Variants in EDAR observed in about 807,000 individuals in gnomAD.
EDAR encodes the protein ectodysplasin A receptor, also known as tumor necrosis factor receptor superfamily member EDAR.
In EDAR, 38 loss-of-function variants were observed where a neutral mutation model predicts 51.3. The observed-to-expected ratio is 0.74, with a 90% CI of 0.57 to 0.97. The LOEUF is 0.97. EDAR is among the 50% of genes least tolerant of loss of function. The probability of loss-of-function intolerance (pLI) is 0.00; values close to 1 mark genes in which losing one functional copy is unlikely to be tolerated. For synonymous variants in EDAR, 227 were observed against 242.1 expected, an observed-to-expected ratio of 0.94 and a Z score of 0.58; for missense variants, 528 against 595.0, an observed-to-expected ratio of 0.89 and a Z score of 1.17.
At chr2:108,948,573 G>A (rs113334689) in intron 1 of EDAR, among the ~76,000 whole-genome samples, 1,536 of 152,290 alleles carry the variant, frequency 0.01, 23 homozygotes, top group African/African-American at 0.035. Context: ...CACAGTCATC[G>A]CAGAAGGCAA....
chr2:108,988,692 T>A (rs768194453), intron 1 of EDAR, among the ~76,000 whole-genome samples: 3 of 152,204 alleles, frequency 2.0e-5, no homozygotes, highest in Admixed American at 6.5e-5. Context: ...TCTTAAAGCC[T>A]GTGAAGCACA....
intron 1 of EDAR, among the ~76,000 whole-genome samples, chr2:108,983,196 A>T (rs1698445043): frequency 6.6e-6 from 1 of 152,154 alleles, no homozygotes; most frequent in South Asian, 2.1e-4. Flanking sequence ...CACATCCCCA[A>T]AGTGTACACT....
chr2:108,930,134 C>T lies in EDAR; in HGVS notation c.160G>A (p.Glu54Lys). Residue 54 changes from glutamate to lysine, a missense_variant, in exon 3 of 12, where the codon GAG becomes AAG. Transcript: ENST00000258443. ...CQECPPCGPG[E>K]EPYLSCGYGT... ...TGGGTCCTTACCAGGTAGGGCTCCT[C>T]TCCCGGCCCACACGGGGGGCACTCC... 6.2e-7 allele frequency: 1 copy of T among 1,613,886 alleles called. No homozygotes were observed. The highest frequency in any genetic ancestry group is 8.5e-7 in the Non-Finnish European group (1 of 1,179,974).
intron 1 of EDAR, among the ~76,000 whole-genome samples, chr2:108,932,000 A>G (rs1314999810): frequency 6.6e-6 from 1 of 152,116 alleles, no homozygotes; most frequent in Non-Finnish European, 1.5e-5. Context: ...TGGGCCATGG[A>G]ACCCAAACTC....
intron 5 of EDAR, among the ~76,000 whole-genome samples, chr2:108,916,552 T>C (rs1235095980): frequency 6.6e-6 from 1 of 152,106 alleles, no homozygotes; most frequent in Non-Finnish European, 1.5e-5. Flanking sequence ...TCTATCCTGA[T>C]CACCGGATGG....
At position 108,895,699 on chromosome 2, in the gene EDAR, T is replaced by C. The variant is rs1696571190; in HGVS notation, c.*1208A>G. 6.6e-6 allele frequency: 1 copy of C among 152,156 alleles called. No homozygotes were observed. The highest frequency in any genetic ancestry group is 1.5e-5 in the Non-Finnish European group (1 of 68,050). The allele number at this position is 152,156 out of a possible 1,614,324, so 9.4% of individuals were successfully genotyped here. A position where few individuals can be genotyped will look rare whatever the true frequency, so the allele number is the denominator to read the frequency against. On this transcript the variant is annotated 3_prime_UTR_variant, in exon 12 of 12. Coordinates refer to ENST00000258443, the MANE Select transcript of EDAR (RefSeq NM_022336.4). ...TATAGAATCACTAACTAACATCTCA[T>C]TGGCAGACGAGAAACTGAGGCAGAG... is the stretch of plus-strand genomic sequence containing the variant.
At chr2:108,973,715 G>A (rs779214141) in intron 1 of EDAR, among the ~76,000 whole-genome samples, 7 of 152,152 alleles carry the variant, frequency 4.6e-5, no homozygotes, top group East Asian at 1.9e-4. Flanking sequence ...CCTCCACACC[G>A]ACTACAAAAC....
chr2:108,932,040 C>A (rs1017838343), intron 1 of EDAR, among the ~76,000 whole-genome samples: 2 of 152,146 alleles, frequency 1.3e-5, no homozygotes, highest in Admixed American at 6.5e-5. Flanking sequence ...AGAATTCTCT[C>A]GTCCTTAGCA....
In EDAR at chr2:108,912,746, C is replaced by T. The variant is rs771056913; in HGVS notation, c.461G>A (p.Gly154Glu). The T allele has an allele frequency of 1.6e-5, 26 of 1,598,806 alleles. No individual in the cohort carries two copies. The highest frequency in any genetic ancestry group is 2.0e-5 in the Non-Finnish European group (24 of 1,173,024). ...GGTGCCAGGGAAGTTGGCAGAAGCT[C>T]CTGAAGTGGCTCCCACACCTGCAAG... is the stretch of plus-strand genomic sequence containing the variant. ...NTKECVGATS[G>E]ASANFPGTSG... Residue 154 changes from glycine (G) to glutamate (E), a missense_variant, in exon 6 of 12, where the codon GGA (glycine) becomes GAA (glutamate). By Grantham distance (98) the Gly-to-Glu change is moderately conservative (BLOSUM62 -2). Coordinates refer to ENST00000258443, the MANE Select transcript of EDAR (RefSeq NM_022336.4).
chr2:108,938,442 C>T (rs1383485574), intron 1 of EDAR, among the ~76,000 whole-genome samples: 3 of 152,170 alleles, frequency 2.0e-5, no homozygotes, highest in East Asian at 1.9e-4. Context: ...CTGCATTTCC[C>T]GCAGTTTGTG....
At chr2:108,965,381 T>C (rs965020544) in intron 1 of EDAR, among the ~76,000 whole-genome samples, 3 of 148,954 alleles carry the variant, frequency 2.0e-5, no homozygotes, top group African/African-American at 5.0e-5. Flanking sequence ...CTCGGGAGGC[T>C]GAGGCAGGAG....
At chr2:108,906,121 G>A (rs909376206) in intron 11 of EDAR, among the ~76,000 whole-genome samples, 187 bp downstream of exon 11, 1 of 152,220 alleles carries the variant, frequency 6.6e-6, no homozygotes, top group African/African-American at 2.4e-5. Flanking sequence ...GATGCCTTCC[G>A]ATATCTGGGA....
chr2:108,959,468 A>C (rs1317773185), intron 1 of EDAR, among the ~76,000 whole-genome samples: 1 of 152,170 alleles, frequency 6.6e-6, no homozygotes, highest in Non-Finnish European at 1.5e-5. Context: ...GTCTTTCATG[A>C]GCAGAATATT....
chr2:108,930,871 A>C, intron 2 of EDAR, 93 bp downstream of exon 2: 1 of 1,379,052 alleles, frequency 7.3e-7, no homozygotes, highest in East Asian at 2.3e-5. Context: ...GACTATGATC[A>C]GCATTCCCAT....
At chr2:108,955,627 G>T (rs1237810385) in intron 1 of EDAR, among the ~76,000 whole-genome samples, 2 of 152,084 alleles carry the variant, frequency 1.3e-5, no homozygotes, top group African/African-American at 4.8e-5. Flanking sequence ...ACAATCTTGA[G>T]CCCAGGAGGC....
At chr2:108,941,588 C>T (rs995464415) in intron 1 of EDAR, among the ~76,000 whole-genome samples, 2 of 152,196 alleles carry the variant, frequency 1.3e-5, no homozygotes, top group South Asian at 4.1e-4. Flanking sequence ...GCATGGCCAA[C>T]AGGGAAGAGT....
chr2:108,959,835 A>C (rs917137714), intron 1 of EDAR, among the ~76,000 whole-genome samples: 1 of 152,234 alleles, frequency 6.6e-6, no homozygotes, highest in Non-Finnish European at 1.5e-5. Context: ...GTCTCTCAAG[A>C]AACTCAAGCC....
chr2:108,940,757 G>A (rs1403921892), intron 1 of EDAR, among the ~76,000 whole-genome samples: 1 of 152,228 alleles, frequency 6.6e-6, no homozygotes, highest in Non-Finnish European at 1.5e-5. Flanking sequence ...AGTGCAAAAT[G>A]ATGAGAGTGG....
Position 108,923,379 on chromosome 2 carries a change from T to C in EDAR, c.431A>G (p.Asn144Ser), listed in dbSNP as rs1697187512. 2 of 1,614,030 alleles carry C rather than the reference T, an allele frequency of 1.2e-6. No homozygotes were observed. Among genetic ancestry groups the C allele is most frequent in the Non-Finnish European group, 1.7e-6 (2 of 1,180,000 alleles). ...VCYSCLLAPP[N>S]TKECVGATSG... ...ACAAAGACACTCACATTCCTTGGTG[T>C]TGGGGGGTGCCAGGAGGCAGGAGTA... The change falls in exon 5 of 12, where the codon AAC becomes AGC. Residue 144 changes from asparagine (N) to serine (S), a missense_variant. Asn to Ser is a conservative substitution (Grantham distance 46). Transcript: ENST00000258443.
Sources: gnomAD v4.1 joint callset for allele counts (sites outside exome capture counted in the v4.1 genomes callset) on GRCh38, gnomAD v4.1.1 for gene constraint, MANE v1.5 for transcripts, NCBI Gene and HGNC (gene_info 2026-07-23, HGNC 2026-07-21) for gene names.